Variants in TRPM6 observed in about 807,000 individuals in gnomAD.
The protein encoded by TRPM6 is transient receptor potential cation channel subfamily M member 6.
A neutral mutation model predicts 247.6 loss-of-function variants in TRPM6; 111 were observed. The observed-to-expected ratio is 0.45, with a 90% CI of 0.38 to 0.52. The LOEUF (loss-of-function observed/expected upper bound fraction) is 0.52. TRPM6 is among the 20% of genes least tolerant of loss of function. TRPM6 has a pLI of 0.00. For missense variants in TRPM6, 2,126 were observed against 2,421.5 expected, an observed-to-expected ratio of 0.88 and a Z score of 2.56; for synonymous variants, 892 against 853.8, an observed-to-expected ratio of 1.04 and a Z score of -0.78.
intron 1 of TRPM6, chr9:74,887,148 A>G (rs1587616563): frequency 1.2e-6 from 1 of 830,726 alleles, no homozygotes; most frequent in African/African-American, 1.7e-5. Context: ...GGTGGAGAGG[A>G]GCCAGCGGGG....
At chr9:74,810,641 A>G (rs1265844299) in intron 13 of TRPM6, among the ~76,000 whole-genome samples, 174 bp downstream of exon 13, 1 of 152,212 alleles carries the variant, frequency 6.6e-6, no homozygotes, top group East Asian at 1.9e-4. Context: ...TAAATTAAGG[A>G]AAAAAGTGTA....
intron 30 of TRPM6, 49 bp from the exon 31 acceptor site, chr9:74,747,963 TAC>T (rs1826108184): frequency 1.9e-6 from 3 of 1,573,392 alleles, no homozygotes; most frequent in South Asian, 1.1e-5. Flanking sequence ...CCTTAAATCT[TAC>T]AGTTATCAAA....
intron 24 of TRPM6, among the ~76,000 whole-genome samples, chr9:74,775,559 T>C (rs944804716): frequency 3.7e-4 from 56 of 152,128 alleles, no homozygotes; most frequent in African/African-American, 1.3e-3. Context: ...ACATGACCAC[T>C]CTCTAGGAGT....
intron 27 of TRPM6, among the ~76,000 whole-genome samples, chr9:74,761,338 G>C (rs1826620676): frequency 6.6e-6 from 1 of 152,130 alleles, no homozygotes; most frequent in Non-Finnish European, 1.5e-5. Context: ...TTTTGGAATA[G>C]CCAAAAATTG....
chr9:74,746,218 G>A (rs568838033), intron 31 of TRPM6, among the ~76,000 whole-genome samples: 10 of 148,212 alleles, frequency 6.7e-5, no homozygotes, highest in Admixed American at 1.4e-4. Flanking sequence ...CAGCCTGGGC[G>A]ACAAAGTGAG....
chr9:74,800,165 G>T, intron 17 of TRPM6, 89 bp downstream of exon 17: 1 of 1,248,022 alleles, frequency 8.0e-7, no homozygotes, highest in Non-Finnish European at 1.2e-6. Flanking sequence ...TTTTCCTGAA[G>T]ACACAATTCT....
Position 74,887,887 on chromosome 9 carries a change from C to G in TRPM6, c.-31G>C. ...ATTTGCAGGCCCTGCTCCCAAAGCC[C>G]TGTCTGAGCTTTTAACTGTGGAGGC... On this transcript the variant is annotated 5_prime_UTR_variant, in exon 1 of 39. Coordinates refer to ENST00000360774, the MANE Select transcript of TRPM6 (RefSeq NM_017662.5). 6.2e-7 allele frequency: 1 copy of G among 1,613,960 alleles called. No homozygotes were observed. The highest frequency in any genetic ancestry group is 1.3e-5 in the African/African-American group (1 of 75,042).
intron 1 of TRPM6, among the ~76,000 whole-genome samples, chr9:74,860,677 A>G (rs923016649): frequency 7.9e-5 from 12 of 152,244 alleles, no homozygotes; most frequent in Admixed American, 7.9e-4. Context: ...CAGAACTTAA[A>G]AGGAACTAAA....
chr9:74,741,055 T>C (rs560617307), intron 33 of TRPM6, among the ~76,000 whole-genome samples: 2 of 152,252 alleles, frequency 1.3e-5, no homozygotes, highest in Admixed American at 1.3e-4. Flanking sequence ...CATTGGGCTG[T>C]TGTAAAGGTT....
intron 31 of TRPM6, among the ~76,000 whole-genome samples, chr9:74,745,924 C>T (rs115156672): frequency 0.012 from 1,815 of 152,170 alleles, 29 homozygotes; most frequent in African/African-American, 0.042. Flanking sequence ...TACTATAATC[C>T]AAGGAAGAGA....
In TRPM6 at chr9:74,834,006, CAAT is replaced by C. The variant is rs780652081; in HGVS notation, c.658_660del (p.Ile220del). The C allele has an allele frequency of 7.6e-5, 122 of 1,613,930 alleles. No individual in the cohort carries two copies. The highest frequency in any genetic ancestry group is 1.0e-4 in the Non-Finnish European group (121 of 1,179,970). The stretch of plus-strand genomic sequence containing the variant: ...AAGGATTGTCTACTTACATCTTTTC[CAAT>C]AAGGTCTCTCTGGTTCTCAATGACA... On this transcript the variant is annotated inframe_deletion, in exon 6 of 39. Coordinates refer to ENST00000360774, the MANE Select transcript of TRPM6 (RefSeq NM_017662.5).
At chr9:74,737,371 T>C in intron 36 of TRPM6, 1 of 1,288,522 alleles carries the variant, frequency 7.8e-7, no homozygotes, top group Non-Finnish European at 1.0e-6. Flanking sequence ...TTGCTCATGA[T>C]GCCCCAGGAC....
intron 19 of TRPM6, 68 bp from the exon 20 acceptor site, chr9:74,788,810 G>A: frequency 6.3e-7 from 1 of 1,584,534 alleles, no homozygotes. Context: ...AGGAGACGCA[G>A]ATGGAGCAGA....
intron 36 of TRPM6, among the ~76,000 whole-genome samples, chr9:74,736,536 G>A (rs543965322): frequency 2.9e-4 from 44 of 152,290 alleles, no homozygotes; most frequent in Admixed American, 7.8e-4. Context: ...TGGCACAAAC[G>A]TAGTAAATGT....
At chr9:74,733,719 C>A (rs890403396) in intron 36 of TRPM6, among the ~76,000 whole-genome samples, 1 of 152,072 alleles carries the variant, frequency 6.6e-6, no homozygotes, top group African/African-American at 2.4e-5. Context: ...CCACCATGCC[C>A]GGCTAATTTT....
At chr9:74,829,269 G>A (rs867303162) in intron 6 of TRPM6, among the ~76,000 whole-genome samples, 1 of 152,102 alleles carries the variant, frequency 6.6e-6, no homozygotes, top group South Asian at 2.1e-4. Context: ...TCCAGCCTGG[G>A]CGACACAGTG....
At position 74,802,148 on chromosome 9, in the gene TRPM6, T is replaced by C; in HGVS notation, c.1759A>G (p.Arg587Gly). Residue 587 changes from arginine (R) to glycine (G), a missense_variant, in exon 16 of 39, where the codon AGG becomes GGG. Around this residue, in one of 3 missense-constraint regions of TRPM6, gnomAD observed 1,082 missense variants for 1,307.9 expected, o/e 0.83. Transcript: ENST00000360774. ...ACATTTTGTTCTTTTGACTTCTTCC[T>C]TGATTTATGAAGGACTATAGACTTT... is the stretch of plus-strand genomic sequence containing the variant. ...KEKSIVLHKS[R>G]KKSKEQNVSD... The C allele has an allele frequency of 6.2e-7, 1 of 1,614,104 alleles. No individual in the cohort carries two copies. Among genetic ancestry groups the C allele is most frequent in the African/African-American group, 1.3e-5 (1 of 75,066 alleles).
intron 5 of TRPM6, among the ~76,000 whole-genome samples, chr9:74,836,922 G>C (rs1438485662): frequency 6.6e-6 from 1 of 152,108 alleles, no homozygotes; most frequent in African/African-American, 2.4e-5. Context: ...GACTTCCAAG[G>C]TGCCCTCAGT....
In TRPM6 at chr9:74,734,988, G is replaced by T. The variant is rs897303364; in HGVS notation, c.5777-2252C>A. 2.6e-5 allele frequency among the ~76,000 whole-genome samples: 4 copies of T among 152,124 alleles called. No homozygotes were observed. In the South Asian group the frequency reaches 8.3e-4, roughly 32 times the overall value. ...AGCACTTTGGGAGGCCGAGGTAGGC[G>T]GATCTCTTGAGCCCAGGAGTTTGAG... On this transcript the variant is annotated intron_variant, in intron 36 of 38. Transcript: ENST00000360774.
Sources: gnomAD v4.1 joint callset for allele counts (sites outside exome capture counted in the v4.1 genomes callset) on GRCh38, gnomAD v4.1.1 for gene constraint, gnomAD v4.1.1 regional missense constraint, MANE v1.5 for transcripts, NCBI Gene and HGNC (gene_info 2026-07-23, HGNC 2026-07-21) for gene names.